The following CCDC179 variants were observed in gnomAD, a reference collection of about 807,000 sequenced individuals.
The protein encoded by CCDC179 is coiled-coil domain containing 179.
Under a neutral mutation model 12.0 loss-of-function variants are expected in CCDC179, and 17 were observed. That is an observed-to-expected ratio of 1.42 (90% confidence interval 0.97 to 2.13). The LOEUF (loss-of-function observed/expected upper bound fraction) is 2.13. CCDC179 is among the 30% of genes most tolerant of loss of function. CCDC179 has a pLI of 0.00. For synonymous variants in CCDC179, 27 were observed against 26.4 expected (o/e 1.02, Z -0.07); for missense variants, 83 against 78.6 (o/e 1.06, Z -0.21).
chr11:22,858,893 TAAAG>T (rs1473088669), intron 2 of CCDC179, among the ~76,000 whole-genome samples: 1 of 151,966 alleles, frequency 6.6e-6, no homozygotes, highest in Non-Finnish European at 1.5e-5. Flanking sequence ...GCAGTGAAAA[TAAAG>T]AAACTATATA....
intron 2 of CCDC179, 199 bp from the exon 3 acceptor site, chr11:22,858,225 A>T (rs1858573494): frequency 2.5e-6 from 1 of 396,328 alleles, no homozygotes; most frequent in Non-Finnish European, 4.5e-6. Context: ...ACCACATTGG[A>T]GCATCAGTAG....
At chr11:22,859,575 C>T (rs892671685) in intron 1 of CCDC179, 79 bp from the exon 2 acceptor site, 3 of 760,380 alleles carry the variant, frequency 3.9e-6, no homozygotes, top group East Asian at 3.2e-5. Context: ...TAATAGGAAG[C>T]CTATGCTACT....
intron 3 of CCDC179, among the ~76,000 whole-genome samples, chr11:22,853,245 G>C (rs1419646202): frequency 1.3e-5 from 2 of 152,132 alleles, no homozygotes; most frequent in African/African-American, 4.8e-5. Flanking sequence ...CTAAAGGGCA[G>C]AAACAATCTG....
intron 3 of CCDC179, among the ~76,000 whole-genome samples, chr11:22,853,629 A>C (rs2134838810): frequency 6.8e-6 from 1 of 148,002 alleles, no homozygotes; most frequent in African/African-American, 2.5e-5. Context: ...AACAATTACA[A>C]AAAGTATAAA....
chr11:22,857,118 C>G (rs115974289), intron 3 of CCDC179, among the ~76,000 whole-genome samples: 2 of 151,520 alleles, frequency 1.3e-5, no homozygotes. Context: ...GGATCCAGCA[C>G]AATCCCAATA....
chr11:22,850,753 A>G (rs1310809946), intron 3 of CCDC179, among the ~76,000 whole-genome samples: 2 of 151,592 alleles, frequency 1.3e-5, no homozygotes, highest in Non-Finnish European at 2.9e-5. Context: ...TGACAAAGGG[A>G]TAGAAAGAGT....
chr11:22,859,814 T>C (rs1858620168), intron 1 of CCDC179, among the ~76,000 whole-genome samples: 1 of 152,124 alleles, frequency 6.6e-6, no homozygotes, highest in Non-Finnish European at 1.5e-5. Context: ...GAAAAATGCA[T>C]GTTTCTGCTT....
At chr11:22,859,570 G>T in intron 1 of CCDC179, 74 bp from the exon 2 acceptor site, 1 of 812,476 alleles carries the variant, frequency 1.2e-6, no homozygotes, top group Non-Finnish European at 1.8e-6. Context: ...TATTATAATA[G>T]GAAGCCTATG....
chr11:22,851,368 A>C (rs1159680092), intron 3 of CCDC179, among the ~76,000 whole-genome samples: 1 of 152,076 alleles, frequency 6.6e-6, no homozygotes, highest in African/African-American at 2.4e-5. Context: ...ACAGAAAGAT[A>C]ATCCTCACAG....
intron 3 of CCDC179, among the ~76,000 whole-genome samples, chr11:22,854,586 A>T (rs1469851844): frequency 2.0e-5 from 3 of 151,826 alleles, no homozygotes; most frequent in Non-Finnish European, 4.4e-5. Flanking sequence ...TATAATTGAC[A>T]TGCTAAGACA....
At chr11:22,848,255 C>A (rs762726594) in intron 3 of CCDC179, among the ~76,000 whole-genome samples, 11 of 152,080 alleles carry the variant, frequency 7.2e-5, no homozygotes, top group Non-Finnish European at 1.6e-4. Flanking sequence ...ACCAGCCTGG[C>A]CAACATGGTG....
At chr11:22,848,382 T>G (rs1858278332) in intron 3 of CCDC179, among the ~76,000 whole-genome samples, 1 of 151,860 alleles carries the variant, frequency 6.6e-6, no homozygotes, top group African/African-American at 2.4e-5. Flanking sequence ...AGGCGGAGGT[T>G]GCAGTGAGCA....
At chr11:22,854,689 TC>T (rs1356411711) in intron 3 of CCDC179, among the ~76,000 whole-genome samples, 1 of 151,572 alleles carries the variant, frequency 6.6e-6, no homozygotes, top group African/African-American at 2.4e-5. Context: ...TAAAAACAAG[TC>T]CACAACTAAA....
intron 1 of CCDC179, 39 bp downstream of exon 1, chr11:22,860,338 G>C (rs896754762): frequency 2.6e-6 from 4 of 1,532,988 alleles, no homozygotes; most frequent in Admixed American, 2.0e-5. Context: ...GCACAGGACA[G>C]AGTGGCAGAG....
At chr11:22,859,563 T>C in intron 1 of CCDC179, 67 bp from the exon 2 acceptor site, 1 of 908,296 alleles carries the variant, frequency 1.1e-6, no homozygotes, top group South Asian at 2.6e-5. Context: ...AATTAATTAT[T>C]ATAATAGGAA....
intron 3 of CCDC179, among the ~76,000 whole-genome samples, chr11:22,849,795 C>T (rs370670207): frequency 4.2e-4 from 64 of 152,108 alleles, no homozygotes; most frequent in Admixed American, 6.5e-4. Context: ...ACCCAGGGTT[C>T]GTTGTCCCGT....
intron 1 of CCDC179, among the ~76,000 whole-genome samples, chr11:22,859,727 A>G (rs558808024): frequency 6.6e-6 from 1 of 152,330 alleles, no homozygotes; most frequent in East Asian, 1.9e-4. Flanking sequence ...ATAAAAAAGA[A>G]CCAGCTGTGA....
At position 22,847,424 on chromosome 11, in the gene CCDC179, G is replaced by A. The variant is rs1203248797; in HGVS notation, c.*86C>T. ...GGAGTATTGCATTTATTTTGTGGATGATCAATTCATGATATGTCACTTGAT... is the reference window on the plus strand; with the variant it reads ...GGAGTATTGCATTTATTTTGTGGATAATCAATTCATGATATGTCACTTGAT... On this transcript the variant is annotated 3_prime_UTR_variant, in exon 4 of 4. Coordinates refer to ENST00000532798, the MANE Select transcript of CCDC179 (RefSeq NM_001195637.2). The A allele has an allele frequency of 5.2e-6, 4 of 774,180 alleles. No individual in the cohort carries two copies. Among genetic ancestry groups the A allele is most frequent in the Non-Finnish European group, 7.7e-6 (4 of 522,826 alleles). 48.0% of individuals were successfully genotyped at this position (774,180 alleles called of 1,614,324 possible). A position where few individuals can be genotyped will look rare whatever the true frequency, so the allele number is the denominator to read the frequency against.
Position 22,860,361 on chromosome 11 carries a change from GC to G in CCDC179, c.45+15del. 4.6e-6 allele frequency: 7 copies of G among 1,535,264 alleles called. No homozygotes were observed. The highest frequency in any genetic ancestry group is 1.2e-5 in the South Asian group (1 of 83,956). ...CAGAGTGGCAGAGTTGAGGTTGTAGGCCCCAGCAGACTCACAGGGTTGACTT... is the reference window on the plus strand; with the variant it reads ...CAGAGTGGCAGAGTTGAGGTTGTAGGCCCAGCAGACTCACAGGGTTGACTT... On this transcript the variant is annotated intron_variant, in intron 1 of 3. Transcript: ENST00000532798.
Sources: gnomAD v4.1 joint callset for allele counts (sites outside exome capture counted in the v4.1 genomes callset) on GRCh38, gnomAD v4.1.1 for gene constraint, MANE v1.5 for transcripts, NCBI Gene and HGNC (gene_info 2026-07-23, HGNC 2026-07-21) for gene names.